Variants in HDHD2 observed in about 807,000 individuals in gnomAD.
The protein encoded by HDHD2 is haloacid dehalogenase like hydrolase domain containing 2.
A neutral mutation model predicts 24.8 loss-of-function variants in HDHD2; 26 were observed. The observed-to-expected ratio is 1.05, with a 90% CI of 0.77 to 1.45. The LOEUF (loss-of-function observed/expected upper bound fraction) is 1.45. HDHD2 is among the 40% of genes most tolerant of loss of function. The pLI, the probability that HDHD2 is intolerant of heterozygous loss-of-function variation, is 0.00. For synonymous variants in HDHD2, 128 were observed against 114.9 expected, an observed-to-expected ratio of 1.11 and a Z score of -0.73; for missense variants, 299 against 313.4, an observed-to-expected ratio of 0.95 and a Z score of 0.35.
At chr18:47,138,095 C>T (rs1373861839) in intron 1 of HDHD2, among the ~76,000 whole-genome samples, 3 of 141,826 alleles carry the variant, frequency 2.1e-5, no homozygotes, top group African/African-American at 7.8e-5. Flanking sequence ...TCACTTGAAC[C>T]CGGGAAGTGG....
chr18:47,113,985 C>A (rs1306290182), intron 5 of HDHD2, among the ~76,000 whole-genome samples: 1 of 152,108 alleles, frequency 6.6e-6, no homozygotes, highest in Non-Finnish European at 1.5e-5. Flanking sequence ...ACCAACAGCC[C>A]CCCATGCAGC....
intron 1 of HDHD2, among the ~76,000 whole-genome samples, chr18:47,145,159 G>A (rs2063857031): frequency 6.6e-6 from 1 of 152,196 alleles, no homozygotes; most frequent in African/African-American, 2.4e-5. Flanking sequence ...CTTGAAAGCA[G>A]CCAAGGGAAA....
At chr18:47,123,339 G>C (rs2063625279) in intron 4 of HDHD2, among the ~76,000 whole-genome samples, 1 of 152,164 alleles carries the variant, frequency 6.6e-6, no homozygotes, top group African/African-American at 2.4e-5. Context: ...TGTAATCCCA[G>C]CACTTTGGGA....
chr18:47,132,215 C>CT (rs1204328418), intron 3 of HDHD2, among the ~76,000 whole-genome samples: 3 of 152,200 alleles, frequency 2.0e-5, no homozygotes, highest in East Asian at 1.9e-4. Flanking sequence ...CTACATCTTA[C>CT]TTTTTTCATT....
chr18:47,142,226 A>C (rs978973107), intron 1 of HDHD2, among the ~76,000 whole-genome samples: 1 of 152,148 alleles, frequency 6.6e-6, no homozygotes, highest in African/African-American at 2.4e-5. Flanking sequence ...TGATACCTTA[A>C]AATAATATGA....
intron 1 of HDHD2, among the ~76,000 whole-genome samples, chr18:47,140,397 G>A (rs1393994220): frequency 2.0e-5 from 3 of 152,110 alleles, no homozygotes; most frequent in Non-Finnish European, 4.4e-5. Context: ...TATATTTGTA[G>A]ACACAACTCT....
intron 1 of HDHD2, among the ~76,000 whole-genome samples, chr18:47,146,557 C>G (rs1034196018): frequency 6.6e-6 from 1 of 152,246 alleles, no homozygotes; most frequent in African/African-American, 2.4e-5. Flanking sequence ...TCTATAGCAG[C>G]ACCATTTGTA....
intron 4 of HDHD2, among the ~76,000 whole-genome samples, chr18:47,122,371 G>T (rs2063615340): frequency 6.6e-6 from 1 of 152,058 alleles, no homozygotes; most frequent in South Asian, 2.1e-4. Context: ...TGCTGTGGGG[G>T]CTGACCTATG....
At chr18:47,133,265 A>C (rs1035991484) in intron 3 of HDHD2, among the ~76,000 whole-genome samples, 14 of 151,342 alleles carry the variant, frequency 9.3e-5, no homozygotes, top group Admixed American at 6.6e-5. Flanking sequence ...CTGTCCTTGC[A>C]ATAGTTTGCT....
intron 1 of HDHD2, among the ~76,000 whole-genome samples, chr18:47,148,842 A>T (rs1197195907): frequency 6.6e-6 from 1 of 152,240 alleles, no homozygotes; most frequent in African/African-American, 2.4e-5. Context: ...TACCAGCCCT[A>T]AATTATTCCC....
intron 4 of HDHD2, among the ~76,000 whole-genome samples, chr18:47,128,945 G>A (rs1341945918): frequency 6.6e-6 from 1 of 151,984 alleles, no homozygotes; most frequent in African/African-American, 2.4e-5. Flanking sequence ...TCTACATAAT[G>A]TATAAGTTAG....
At position 47,136,237 on chromosome 18, in the gene HDHD2, T is replaced by C. The variant is rs531508710; in HGVS notation, c.101+102A>G. 44 of 1,422,804 alleles carry C rather than the reference T, an allele frequency of 3.1e-5. 1 individual carries two copies. In the South Asian group the frequency reaches 4.2e-4, roughly 14 times the overall value. 88.1% of individuals were successfully genotyped at this position (1,422,804 alleles called of 1,614,324 possible). A position where few individuals can be genotyped will look rare whatever the true frequency, so the allele number is the denominator to read the frequency against. ...AGGCAGTTCCTATATATGGTTAAGA[T>C]GGTAAAATGCCATCTTAAGGCCATC... On this transcript the variant is annotated intron_variant, in intron 2 of 6. Coordinates refer to ENST00000300605, the MANE Select transcript of HDHD2 (RefSeq NM_032124.5).
At chr18:47,110,619 T>A (rs1475629298) in intron 6 of HDHD2, 2 of 985,082 alleles carry the variant, frequency 2.0e-6, no homozygotes, top group Non-Finnish European at 2.4e-6. Context: ...TAGGTATATG[T>A]TTTAGTTCTA....
intron 4 of HDHD2, among the ~76,000 whole-genome samples, chr18:47,117,146 A>G (rs1010946491): frequency 2.6e-5 from 4 of 152,214 alleles, no homozygotes; most frequent in African/African-American, 9.6e-5. Flanking sequence ...ACTGTTTTCT[A>G]GGACACAGAT....
chr18:47,116,084 T>C (rs527804746), intron 4 of HDHD2, among the ~76,000 whole-genome samples: 2 of 152,178 alleles, frequency 1.3e-5, no homozygotes, highest in East Asian at 3.9e-4. Context: ...TAGCTAAGAA[T>C]CCTCATTAGT....
At chr18:47,137,732 C>T (rs888213786) in intron 1 of HDHD2, among the ~76,000 whole-genome samples, 1 of 152,012 alleles carries the variant, frequency 6.6e-6, no homozygotes, top group African/African-American at 2.4e-5. Flanking sequence ...CAATGTAAAA[C>T]CAAAGACAAT....
At chr18:47,108,806 G>A (rs775945080) in intron 6 of HDHD2, 21 bp from the exon 7 acceptor site, 40 of 1,448,822 alleles carry the variant, frequency 2.8e-5, no homozygotes, top group Middle Eastern at 1.7e-4. Flanking sequence ...AGTAAAGCCA[G>A]TAAACACAGG....
At chr18:47,112,751 C>G (rs1440003028) in intron 6 of HDHD2, among the ~76,000 whole-genome samples, 5 of 152,172 alleles carry the variant, frequency 3.3e-5, no homozygotes, top group African/African-American at 4.8e-5. Context: ...GAATGGTTAC[C>G]TCTGGGAAAG....
At chr18:47,147,990 C>CTT (rs11390608) in intron 1 of HDHD2, among the ~76,000 whole-genome samples, 4,526 of 137,918 alleles carry the variant, frequency 0.033, 122 homozygotes, top group Middle Eastern at 0.076. Context: ...TTTTTTCTTT[C>CTT]TTTTTTTTTT....
Sources: gnomAD v4.1 joint callset for allele counts (sites outside exome capture counted in the v4.1 genomes callset) on GRCh38, gnomAD v4.1.1 for gene constraint, MANE v1.5 for transcripts, NCBI Gene and HGNC (gene_info 2026-07-23, HGNC 2026-07-21) for gene names.